DUS4L: variants seen among roughly 807,000 people sequenced by gnomAD.
The protein encoded by DUS4L is dihydrouridine synthase 4 like.
A neutral mutation model predicts 33.8 loss-of-function variants in DUS4L; 31 were observed. That is an observed-to-expected ratio of 0.92 (90% CI 0.69 to 1.24). The LOEUF is 1.24. Among genes scored for constraint, DUS4L ranks in the 50% most tolerant of loss-of-function variants. The pLI is 0.00. For synonymous variants in DUS4L, 103 were observed against 120.3 expected (o/e 0.86, Z 0.94); for missense variants, 368 against 388.6 (o/e 0.95, Z 0.45).
At chr7:107,570,480 T>C (rs1805113423) in intron 3 of DUS4L, 1 of 152,666 alleles carries the variant, frequency 6.6e-6, no homozygotes, top group Admixed American at 6.5e-5. Context: ...GAGTGCTTCA[T>C]TACTGCTGGC....
chr7:107,568,597 C>T (rs538196440), intron 3 of DUS4L, among the ~76,000 whole-genome samples: 3 of 152,230 alleles, frequency 2.0e-5, no homozygotes, highest in South Asian at 2.1e-4. Flanking sequence ...GTGATTTGCA[C>T]GTATTTTCTC....
intron 3 of DUS4L, among the ~76,000 whole-genome samples, chr7:107,568,436 T>G (rs1489599175): frequency 6.6e-6 from 1 of 152,240 alleles, no homozygotes; most frequent in Non-Finnish European, 1.5e-5. Flanking sequence ...TGCATTTCCC[T>G]AATGATTAAT....
At chr7:107,571,477 C>T (rs186056160) in intron 4 of DUS4L, among the ~76,000 whole-genome samples, 1 of 152,202 alleles carries the variant, frequency 6.6e-6, no homozygotes, top group African/African-American at 2.4e-5. Flanking sequence ...TTGAAACCCT[C>T]TCCTCTCACT....
At chr7:107,567,803 C>G (rs907612477) in intron 3 of DUS4L, 5 of 450,364 alleles carry the variant, frequency 1.1e-5, no homozygotes, top group Non-Finnish European at 1.8e-5. Flanking sequence ...TTCCACTGTT[C>G]CTCACAGCAG....
chr7:107,577,218 T>C, intron 7 of DUS4L, 95 bp from the exon 8 acceptor site: 1 of 1,514,254 alleles, frequency 6.6e-7, no homozygotes, highest in Non-Finnish European at 8.9e-7. Context: ...CTTGTGATAA[T>C]ACTTTTTAAA....
Position 107,567,203 on chromosome 7 carries a change from G to A in DUS4L, c.116+17G>A, listed in dbSNP as rs375742817. 1 of 1,603,702 alleles carries A rather than the reference G, an allele frequency of 6.2e-7. No homozygotes were observed. The highest frequency in any genetic ancestry group is 1.3e-5 in the African/African-American group (1 of 74,620). On this transcript the variant is annotated intron_variant, in intron 3 of 7. Transcript: ENST00000265720. ...ATATTCAAAGTAAGTGTTGCAAAAT[G>A]ATTAATGAACTAAGATGAAATTTCC...
chr7:107,567,104 C>G lies in DUS4L; in HGVS notation c.34C>G (p.Gln12Glu). Reference protein sequence around the residue: ...KSDCMQTTICQERKKDPIEMF... With the variant: ...KSDCMQTTICEERKKDPIEMF... ...TGACTGCATGCAAACGACAATATGTCAGGAAAGAAAAAAAGATCCCATAGA... is the reference window on the plus strand; with the variant it reads ...TGACTGCATGCAAACGACAATATGTGAGGAAAGAAAAAAAGATCCCATAGA... Residue 12 changes from glutamine (Q) to glutamate (E), a missense_variant, in exon 3 of 8, where the codon CAG becomes GAG. Transcript: ENST00000265720. The G allele has an allele frequency of 7.4e-6, 12 of 1,613,202 alleles. No individual in the cohort carries two copies. Among genetic ancestry groups the G allele is most frequent in the Non-Finnish European group, 1.0e-5 (12 of 1,179,524 alleles).
intron 6 of DUS4L, among the ~76,000 whole-genome samples, chr7:107,576,010 A>G (rs1805699875): frequency 6.6e-6 from 1 of 152,190 alleles, no homozygotes; most frequent in Non-Finnish European, 1.5e-5. Context: ...ATATTTCAAG[A>G]TAAAGTATTA....
chr7:107,576,717 T>A, intron 7 of DUS4L, 125 bp downstream of exon 7: 1 of 880,276 alleles, frequency 1.1e-6, no homozygotes. Context: ...TGTACTGTTT[T>A]AAGCTAAGCG....
chr7:107,575,982 G>A (rs768342215), intron 6 of DUS4L, among the ~76,000 whole-genome samples: 3 of 152,142 alleles, frequency 2.0e-5, no homozygotes, highest in South Asian at 2.1e-4. Flanking sequence ...AGTGAGCCAC[G>A]GTGCCCAGCC....
chr7:107,575,047 G>A, intron 5 of DUS4L, 141 bp from the exon 6 acceptor site: 5 of 1,095,298 alleles, frequency 4.6e-6, no homozygotes, highest in Non-Finnish European at 6.7e-6. Context: ...ACTTAGAAAT[G>A]TTGAATCTAT....
intron 3 of DUS4L, chr7:107,567,888 G>A (rs1040547440): frequency 1.4e-5 from 4 of 283,436 alleles, no homozygotes; most frequent in Non-Finnish European, 2.8e-5. Context: ...AGTCTTATAC[G>A]TATTTGTTCA....
chr7:107,563,975 G>A lies in DUS4L; in HGVS notation c.-345G>A. 2.6e-6 allele frequency: 2 copies of A among 757,802 alleles called. No homozygotes were observed. Among genetic ancestry groups the A allele is most frequent in the Non-Finnish European group, 4.2e-6 (2 of 477,006 alleles). The allele number at this position is 757,802 out of a possible 1,614,324, so 46.9% of individuals were successfully genotyped here. On this transcript the variant is annotated 5_prime_UTR_variant, in exon 1 of 8. Transcript: ENST00000265720. ...GTGACGCAGAATCCCGGCGCCGCCC[G>A]CCCACCCAGCCCATGGCTCCAGGCC... is the stretch of plus-strand genomic sequence containing the variant.
rs1307597737 is a variant in DUS4L at position 107,564,747 on chromosome 7, A to C, written c.-22+71A>C. The C allele has an allele frequency of 3.3e-5, 5 of 152,254 alleles. No individual in the cohort carries two copies. The East Asian group carries it at 7.7e-4, about 23-fold the overall frequency. The allele number at this position is 152,254 out of a possible 1,614,324, so 9.4% of individuals were successfully genotyped here. A position where few individuals can be genotyped will look rare whatever the true frequency, so the allele number is the denominator to read the frequency against. On this transcript the variant is annotated intron_variant, in intron 2 of 7. Transcript: ENST00000265720. ...ACCTAGATTTCTTTCTTCTAAGATAAATACTGATAAATTAACAGGGTCAGG... is the reference window on the plus strand; with the variant it reads ...ACCTAGATTTCTTTCTTCTAAGATACATACTGATAAATTAACAGGGTCAGG...
Position 107,571,197 on chromosome 7 carries a change from C to T in DUS4L, c.169C>T (p.Pro57Ser), listed in dbSNP as rs775686327. ...RKYSCDLCYT[P>S]MIVAADFVKS... The stretch of plus-strand genomic sequence containing the variant: ...ATATAGTTGTGATCTGTGTTACACA[C>T]CAATGATTGTTGCCGCTGATTTTGT... Residue 57 changes from proline to serine, a missense_variant, in exon 4 of 8, where the codon CCA becomes TCA. Physicochemically the swap from Pro to Ser is moderately conservative, Grantham distance 74. Transcript: ENST00000265720. The T allele has an allele frequency of 3.7e-6, 6 of 1,611,370 alleles. No homozygotes were observed. The South Asian group carries it at 6.7e-5, about 18-fold the overall frequency.
chr7:107,572,150 G>T (rs762199433), intron 4 of DUS4L, among the ~76,000 whole-genome samples: 1 of 151,854 alleles, frequency 6.6e-6, no homozygotes, highest in Non-Finnish European at 1.5e-5. Flanking sequence ...ATTAGGTTCG[G>T]CCTCCTTGAG....
At chr7:107,566,789 A>AG (rs1346714049) in intron 2 of DUS4L, among the ~76,000 whole-genome samples, 1 of 146,254 alleles carries the variant, frequency 6.8e-6, no homozygotes, top group East Asian at 2.0e-4. Flanking sequence ...ATGGTAAACT[A>AG]GGGAAAAAAA....
At chr7:107,565,307 AT>A (rs1222437274) in intron 2 of DUS4L, among the ~76,000 whole-genome samples, 1 of 152,182 alleles carries the variant, frequency 6.6e-6, no homozygotes, top group Non-Finnish European at 1.5e-5. Flanking sequence ...TAAACAAACA[AT>A]TGTACCAGGT....
At position 107,573,803 on chromosome 7, in the gene DUS4L, A is replaced by C. The variant is rs759362842; in HGVS notation, c.338A>C (p.Asn113Thr). The C allele has an allele frequency of 1.3e-6, 2 of 1,562,826 alleles. No individual in the cohort carries two copies. The highest frequency in any genetic ancestry group is 1.7e-6 in the Non-Finnish European group (2 of 1,154,580). The change falls in exon 5 of 8, where the codon AAC becomes ACC. Residue 113 changes from asparagine to threonine, a missense_variant. Physicochemically the swap from Asn to Thr is moderately conservative, Grantham distance 65. Transcript: ENST00000265720. ...CCTTATGCGAATGGAATAGACATTA[A>C]CTGTGGTTGCCCTCAGAGGTAAAGC... Reference protein sequence around the residue: ...VCPYANGIDINCGCPQRWAMA... With the variant: ...VCPYANGIDITCGCPQRWAMA...
Sources: allele counts gnomAD v4.1 joint callset (sites outside exome capture counted in the v4.1 genomes callset), GRCh38; gene constraint gnomAD v4.1.1; transcripts MANE v1.5; gene names NCBI Gene and HGNC (gene_info 2026-07-23, HGNC 2026-07-21).